LCLAT1: variants seen among roughly 807,000 people sequenced by gnomAD.
LCLAT1 encodes the protein lysocardiolipin acyltransferase 1, also known as 1-AGP acyltransferase 8.
Under a neutral mutation model 30.7 loss-of-function variants are expected in LCLAT1, and 11 were observed. The ratio of observed to expected loss-of-function variants is 0.36; its 90% confidence interval spans 0.23 to 0.59. The LOEUF is 0.59. Ranked by LOEUF, LCLAT1 falls within the 20% of genes least tolerant of loss-of-function variation. The pLI, the probability that LCLAT1 is intolerant of heterozygous loss-of-function variation, is 0.77. For missense variants in LCLAT1, 402 were observed against 458.6 expected (o/e 0.88, Z 1.13); for synonymous variants, 155 against 151.3 (o/e 1.02, Z -0.18).
intron 1 of LCLAT1, among the ~76,000 whole-genome samples, chr2:30,484,772 T>TA (rs1182215453): frequency 1.3e-5 from 2 of 148,752 alleles, no homozygotes; most frequent in Non-Finnish European, 1.5e-5. Context: ...TTGACAGTTT[T>TA]AAAAAAGTGA....
At chr2:30,627,743 T>C (rs572125253) in intron 5 of LCLAT1, among the ~76,000 whole-genome samples, 2 of 152,248 alleles carry the variant, frequency 1.3e-5, no homozygotes, top group African/African-American at 4.8e-5. Context: ...TTGACTAATA[T>C]TTTCTTTTAA....
intron 5 of LCLAT1, among the ~76,000 whole-genome samples, chr2:30,587,157 C>T (rs1161034848): frequency 1.3e-5 from 2 of 152,234 alleles, no homozygotes; most frequent in African/African-American, 2.4e-5. Flanking sequence ...GAAACATTCT[C>T]TGCCTTGAGA....
chr2:30,569,048 A>G (rs182153388), intron 5 of LCLAT1, among the ~76,000 whole-genome samples: 10 of 152,290 alleles, frequency 6.6e-5, no homozygotes, highest in Non-Finnish European at 1.5e-5. Context: ...GTTGGTAGGA[A>G]GGCAAGTGCC....
At position 30,566,473 on chromosome 2, in the gene LCLAT1, G is replaced by A. The variant is rs141155885; in HGVS notation, c.512-1587G>A. Among the ~76,000 whole-genome samples, 243 of 152,148 alleles carry A rather than the reference G, an allele frequency of 1.6e-3. 1 individual carries two copies. Among genetic ancestry groups the A allele is most frequent in the African/African-American group, 5.5e-3 (227 of 41,518 alleles). On this transcript the variant is annotated intron_variant, in intron 4 of 5. Transcript: ENST00000379509. ...TGTGTAGGGCCTTTACTTTTGACTT[G>A]CCCGGCTCAATTCCTTTATCATAAA... is the stretch of plus-strand genomic sequence containing the variant.
chr2:30,623,090 G>T (rs1216217872), intron 5 of LCLAT1, among the ~76,000 whole-genome samples: 1 of 117,732 alleles, frequency 8.5e-6, no homozygotes, highest in East Asian at 2.6e-4. Flanking sequence ...GTCTCACTCT[G>T]TCGCCAGGGC....
chr2:30,572,423 G>A (rs1216541322), intron 5 of LCLAT1, among the ~76,000 whole-genome samples: 1 of 152,202 alleles, frequency 6.6e-6, no homozygotes, highest in African/African-American at 2.4e-5. Flanking sequence ...CAGATACTGA[G>A]GTCCAAGCTC....
chr2:30,547,683 A>G (rs1349373907), intron 3 of LCLAT1, among the ~76,000 whole-genome samples: 2 of 151,778 alleles, frequency 1.3e-5, no homozygotes, highest in Non-Finnish European at 2.9e-5. Context: ...GCATTCCCTC[A>G]AAGAGGGGGA....
At chr2:30,584,031 C>A (rs534763085) in intron 5 of LCLAT1, among the ~76,000 whole-genome samples, 9 of 152,108 alleles carry the variant, frequency 5.9e-5, no homozygotes, top group Non-Finnish European at 1.3e-4. Context: ...CCTCGCCCCC[C>A]ACCTCTCAGC....
intron 1 of LCLAT1, among the ~76,000 whole-genome samples, chr2:30,488,358 T>C: frequency 6.6e-6 from 1 of 152,270 alleles, no homozygotes; most frequent in Admixed American, 6.5e-5. Flanking sequence ...CAGTAGATTA[T>C]TATCCATTTA....
At chr2:30,492,762 G>A (rs1683897472) in intron 1 of LCLAT1, among the ~76,000 whole-genome samples, 1 of 152,012 alleles carries the variant, frequency 6.6e-6, no homozygotes, top group Admixed American at 6.6e-5. Context: ...GCATGAAATT[G>A]GCTTGTTAGC....
chr2:30,595,060 T>G (rs540256272), intron 5 of LCLAT1, among the ~76,000 whole-genome samples: 2 of 152,308 alleles, frequency 1.3e-5, no homozygotes, highest in Non-Finnish European at 2.9e-5. Context: ...ATTTTAATCA[T>G]AGCCTTTTTG....
chr2:30,554,608 A>G (rs1224280707), intron 3 of LCLAT1, among the ~76,000 whole-genome samples: 1 of 152,216 alleles, frequency 6.6e-6, no homozygotes, highest in Non-Finnish European at 1.5e-5. Flanking sequence ...CTTGAGAATT[A>G]ATTGAATTAA....
At chr2:30,555,267 A>C (rs1664863807) in intron 3 of LCLAT1, among the ~76,000 whole-genome samples, 1 of 152,166 alleles carries the variant, frequency 6.6e-6, no homozygotes, top group African/African-American at 2.4e-5. Flanking sequence ...TTTTTAGCCA[A>C]ACTAGCCTCT....
Position 30,473,171 on chromosome 2 carries a change from CAT to C in LCLAT1, c.-5+25791_-5+25792del, listed in dbSNP as rs1399993016. Among the ~76,000 whole-genome samples the C allele has an allele frequency of 3.9e-5, 6 of 152,068 alleles. No individual in the cohort carries two copies. In the South Asian group the frequency reaches 1.2e-3, roughly 32 times the overall value. ...GAAAATTATATATGTATGACAGTTA[CAT>C]ATGTTAGACAGTTATATGTGTCTAA... On this transcript the variant is annotated intron_variant, in intron 1 of 5. Transcript: ENST00000379509.
At chr2:30,528,585 A>C (rs1429371240) in intron 2 of LCLAT1, among the ~76,000 whole-genome samples, 2 of 152,176 alleles carry the variant, frequency 1.3e-5, no homozygotes, top group African/African-American at 4.8e-5. Context: ...GGGTAATATC[A>C]ATATAGTACA....
In LCLAT1 at chr2:30,643,942, T is replaced by G. The variant is rs181100623; in HGVS notation, c.*3323T>G. 9 of 152,748 alleles carry G rather than the reference T, an allele frequency of 5.9e-5. No individual in the cohort carries two copies. In the East Asian group the frequency reaches 1.7e-3, roughly 30 times the overall value. The allele number at this position is 152,748 out of a possible 1,614,324, so 9.5% of individuals were successfully genotyped here. A position where few individuals can be genotyped will look rare whatever the true frequency, so the allele number is the denominator to read the frequency against. Reference sequence around the variant, plus strand: ...CTTCATGCTGAGGTAGTGGTTGCCTTAGAGCTGTTATTTATGCTGTAGAAA... The same window carrying G: ...CTTCATGCTGAGGTAGTGGTTGCCTGAGAGCTGTTATTTATGCTGTAGAAA... On this transcript the variant is annotated 3_prime_UTR_variant, in exon 6 of 6. Transcript: ENST00000379509.
At chr2:30,510,772 T>A (rs553151737) in intron 1 of LCLAT1, among the ~76,000 whole-genome samples, 28 of 152,276 alleles carry the variant, frequency 1.8e-4, no homozygotes, top group South Asian at 1.7e-3. Context: ...CTTTATCTTC[T>A]GCTGGGCTTT....
At chr2:30,582,645 A>G (rs536354707) in intron 5 of LCLAT1, among the ~76,000 whole-genome samples, 3 of 152,310 alleles carry the variant, frequency 2.0e-5, no homozygotes, top group African/African-American at 7.2e-5. Flanking sequence ...TTTCATCCCC[A>G]TAGCCTTCCT....
chr2:30,449,689 G>T (rs982203628), intron 1 of LCLAT1, among the ~76,000 whole-genome samples: 5 of 151,938 alleles, frequency 3.3e-5, no homozygotes, highest in Non-Finnish European at 5.9e-5. Context: ...TAGTAGAGAC[G>T]GGGTTTCTCT....
Sources: allele counts gnomAD v4.1 joint callset (sites outside exome capture counted in the v4.1 genomes callset), GRCh38; gene constraint gnomAD v4.1.1; transcripts MANE v1.5; gene names NCBI Gene and HGNC (gene_info 2026-07-23, HGNC 2026-07-21).